The following DEPDC7 variants were observed in gnomAD, a reference collection of about 807,000 sequenced individuals.
The protein encoded by DEPDC7 is DEP domain-containing protein 7.
Under a neutral mutation model 56.6 loss-of-function variants are expected in DEPDC7, and 41 were observed. That is an observed-to-expected ratio of 0.72 (90% CI 0.56 to 0.94). The LOEUF (loss-of-function observed/expected upper bound fraction) is 0.94. Among genes scored for constraint, DEPDC7 ranks in the 40% least tolerant of loss-of-function variants. The pLI is 0.00. For synonymous variants in DEPDC7, 185 were observed against 208.8 expected, an observed-to-expected ratio of 0.89 and a Z score of 0.98; for missense variants, 522 against 596.3, an observed-to-expected ratio of 0.88 and a Z score of 1.30.
At position 33,016,124 on chromosome 11, in the gene DEPDC7, C is replaced by T. The variant is rs938102945; in HGVS notation, c.73+96C>T. ...GGGCGGGCGGCGTGGGGCGTTCGGC[C>T]GCCTGCGCCTGTCAACGGCCGGCTG... is the stretch of plus-strand genomic sequence containing the variant. On this transcript the variant is annotated intron_variant, in intron 1 of 8. Transcript: ENST00000241051. 33 of 1,240,986 alleles carry T rather than the reference C, an allele frequency of 2.7e-5. No homozygotes were observed. In the South Asian group the frequency reaches 4.4e-4, roughly 16 times the overall value. 76.9% of individuals were successfully genotyped at this position (1,240,986 alleles called of 1,614,324 possible).
chr11:33,025,525 G>A (rs1261528822), intron 1 of DEPDC7, 134 bp from the exon 2 acceptor site: 10 of 818,538 alleles, frequency 1.2e-5, no homozygotes, highest in Non-Finnish European at 1.9e-5. Context: ...CAGTATTTCA[G>A]TAAGCTACCC....
chr11:33,029,022 GA>G (rs35177118), intron 4 of DEPDC7, among the ~76,000 whole-genome samples: 60,854 of 150,254 alleles, frequency 0.41, 12,390 homozygotes, highest in East Asian at 0.46. Context: ...CACATTAAGT[GA>G]AAAAAAAATG....
chr11:33,033,080 C>A, intron 8 of DEPDC7, 113 bp downstream of exon 8: 1 of 997,270 alleles, frequency 1.0e-6, no homozygotes, highest in Non-Finnish European at 1.5e-6. Flanking sequence ...TTAAAACATT[C>A]TCCTCAGAGT....
chr11:33,027,094 G>A (rs924659432), intron 2 of DEPDC7, among the ~76,000 whole-genome samples: 3 of 152,168 alleles, frequency 2.0e-5, no homozygotes, highest in South Asian at 2.1e-4. Flanking sequence ...TGGAACTTTG[G>A]AGCATTTAGA....
chr11:33,032,795 T>G lies in DEPDC7; in HGVS notation c.1263+2T>G. On this transcript the variant is annotated splice_donor_variant, in intron 7 of 8. Transcript: ENST00000241051. LOFTEE classifies it high-confidence loss of function. Reference sequence around the variant, plus strand: ...GATCATCAGAAAGATGTTTTTAAGGTAAAATTGTGAAAGTAGTTAAATTGA... The same window carrying G: ...GATCATCAGAAAGATGTTTTTAAGGGAAAATTGTGAAAGTAGTTAAATTGA... The G allele has an allele frequency of 6.3e-7, 1 of 1,594,206 alleles. No individual in the cohort carries two copies.
chr11:33,027,283 A>C (rs1853589307), intron 2 of DEPDC7, among the ~76,000 whole-genome samples: 1 of 152,140 alleles, frequency 6.6e-6, no homozygotes, highest in African/African-American at 2.4e-5. Flanking sequence ...TAAACCTTTG[A>C]TTTTCAAAGC....
intron 1 of DEPDC7, among the ~76,000 whole-genome samples, chr11:33,019,842 T>G (rs1853505110): frequency 6.6e-6 from 1 of 151,744 alleles, no homozygotes. Context: ...CTCTTAAAAG[T>G]TTTATGGAGA....
chr11:33,029,354 C>T (rs1853610096), intron 4 of DEPDC7, among the ~76,000 whole-genome samples: 1 of 151,540 alleles, frequency 6.6e-6, no homozygotes, highest in Non-Finnish European at 1.5e-5. Context: ...AAAAATTAGC[C>T]AGGCATGGTG....
In DEPDC7 at chr11:33,027,772, A is replaced by G. The variant is rs200498367; in HGVS notation, c.551A>G (p.Asn184Ser). The change falls in exon 3 of 9, where the codon AAC becomes AGC. Residue 184 changes from asparagine to serine, a missense_variant. Asn to Ser is a conservative substitution (Grantham distance 46). Transcript: ENST00000241051. ...LWENLSLKPANSPHVNISATL... is the reference protein window; with the variant it reads ...LWENLSLKPASSPHVNISATL... ...GAAAATCTGAGTTTAAAGCCTGCCA[A>G]CTCCCCTCATGTAAATATCTCTGCA... The G allele has an allele frequency of 5.8e-5, 92 of 1,577,028 alleles. No homozygotes were observed. In the East Asian group the frequency reaches 2.1e-3, roughly 36 times the overall value.
In DEPDC7 at chr11:33,027,600, ACT is replaced by A. The variant is rs201993934; in HGVS notation, c.465-83_465-82del. 5,749 of 1,283,710 alleles carry A rather than the reference ACT, an allele frequency of 4.5e-3. 28 individuals are homozygous for A. Among genetic ancestry groups the A allele is most frequent in the Non-Finnish European group, 4.7e-3 (4,639 of 977,210 alleles). 79.5% of individuals were successfully genotyped at this position (1,283,710 alleles called of 1,614,324 possible). A position where few individuals can be genotyped will look rare whatever the true frequency, so the allele number is the denominator to read the frequency against. On this transcript the variant is annotated intron_variant, in intron 2 of 8. Transcript: ENST00000241051. ...TTGTGTTTTTGCTCTGAAATGCATAACTCTGTAGAAAACTCTTAGCTCTCAAA... is the reference window on the plus strand; with the variant it reads ...TTGTGTTTTTGCTCTGAAATGCATAACTGTAGAAAACTCTTAGCTCTCAAA...
At chr11:33,016,700 C>T in intron 1 of DEPDC7, 1 of 1,009,506 alleles carries the variant, frequency 9.9e-7, no homozygotes, top group Non-Finnish European at 1.5e-6. Flanking sequence ...CGGGCCTAAT[C>T]GTGTCTTTTG....
chr11:33,016,189 C>T, intron 1 of DEPDC7, 161 bp downstream of exon 1: 3 of 1,266,728 alleles, frequency 2.4e-6, no homozygotes, highest in Non-Finnish European at 9.9e-7. Context: ...GCCAACGCCC[C>T]CGCCGAGCGG....
chr11:33,029,807 C>T (rs1028128710), intron 4 of DEPDC7, among the ~76,000 whole-genome samples: 2 of 152,190 alleles, frequency 1.3e-5, no homozygotes, highest in Non-Finnish European at 2.9e-5. Context: ...ACTAATTCTA[C>T]GTTCCAAAGA....
chr11:33,016,608 T>G, intron 1 of DEPDC7: 1 of 1,611,060 alleles, frequency 6.2e-7, no homozygotes, highest in South Asian at 1.1e-5. Context: ...ACTTTATGTA[T>G]AAGCAGTATT....
At chr11:33,017,430 G>A (rs572456502) in intron 1 of DEPDC7, among the ~76,000 whole-genome samples, 10 of 152,174 alleles carry the variant, frequency 6.6e-5, no homozygotes, top group Admixed American at 3.3e-4. Flanking sequence ...TTCTTAGATG[G>A]TGTAAGGAAG....
intron 1 of DEPDC7, among the ~76,000 whole-genome samples, chr11:33,020,524 A>G (rs1336137797): frequency 6.6e-6 from 1 of 152,198 alleles, no homozygotes; most frequent in Non-Finnish European, 1.5e-5. Flanking sequence ...AAGGTTTTGT[A>G]TCTGGTAGGG....
chr11:33,032,763 T>C lies in DEPDC7; in HGVS notation c.1233T>C (p.Phe411=). The change falls in exon 7 of 9, where the codon TTT becomes TTC. Residue 411 remains phenylalanine, a synonymous_variant. Transcript: ENST00000241051. ...GCAAAACAGATCTTCTGGTACTCTTTTTAATGGATCATCAGAAAGATGTTT... is the reference window on the plus strand; with the variant it reads ...GCAAAACAGATCTTCTGGTACTCTTCTTAATGGATCATCAGAAAGATGTTT... The part of the protein sequence containing the change: ...SKGKTDLLVL[F]LMDHQKDVFK... 6.2e-7 allele frequency: 1 copy of C among 1,604,992 alleles called. No homozygotes were observed. The highest frequency in any genetic ancestry group is 8.5e-7 in the Non-Finnish European group (1 of 1,177,272).
At chr11:33,021,947 C>A (rs1202437925) in intron 1 of DEPDC7, among the ~76,000 whole-genome samples, 1 of 152,128 alleles carries the variant, frequency 6.6e-6, no homozygotes, top group Non-Finnish European at 1.5e-5. Context: ...TCATTGAGGC[C>A]AAATATCCCC....
rs994675653 is a variant in DEPDC7 at position 33,016,186 on chromosome 11, C to T, written c.73+158C>T. 149 of 1,265,590 alleles carry T rather than the reference C, an allele frequency of 1.2e-4. No homozygotes were observed. The African/African-American group carries it at 2.1e-3, about 17-fold the overall frequency. 78.4% of individuals were successfully genotyped at this position (1,265,590 alleles called of 1,614,324 possible). ...CACAGCTGCGACCACTTGGCCAACG[C>T]CCCCGCCGAGCGGGCGGATCGAGTT... On this transcript the variant is annotated intron_variant, in intron 1 of 8. Transcript: ENST00000241051.
Sources: gnomAD v4.1 joint callset for allele counts (sites outside exome capture counted in the v4.1 genomes callset) on GRCh38, gnomAD v4.1.1 for gene constraint, MANE v1.5 for transcripts, NCBI Gene and HGNC (gene_info 2026-07-23, HGNC 2026-07-21) for gene names.